Variants in WHRN observed in about 807,000 individuals in gnomAD.
The protein encoded by WHRN is whirlin.
A neutral mutation model predicts 68.3 loss-of-function variants in WHRN; 41 were observed. The ratio of observed to expected loss-of-function variants is 0.60; its 90% confidence interval spans 0.47 to 0.78. The LOEUF (loss-of-function observed/expected upper bound fraction) is 0.78. Among genes scored for constraint, WHRN ranks in the 30% least tolerant of loss-of-function variants. The pLI, the probability that WHRN is intolerant of heterozygous loss-of-function variation, is 0.00. For synonymous variants in WHRN, 560 were observed against 561.3 expected, an observed-to-expected ratio of 1.00 and a Z score of 0.03; for missense variants, 1,243 against 1,244.7, an observed-to-expected ratio of 1.00 and a Z score of 0.02.
chr9:114,416,631 C>T (rs1222283783), intron 7 of WHRN, among the ~76,000 whole-genome samples: 2 of 152,182 alleles, frequency 1.3e-5, no homozygotes, highest in African/African-American at 4.8e-5. Context: ...CCCAGCCATG[C>T]TTCCTGTACG....
intron 3 of WHRN, among the ~76,000 whole-genome samples, chr9:114,435,585 A>G (rs1837782270): frequency 1.3e-5 from 2 of 152,346 alleles, no homozygotes; most frequent in South Asian, 2.1e-4. Context: ...TCTGAAAGAA[A>G]GAAAACTAGG....
chr9:114,466,539 A>G, intron 2 of WHRN, 147 bp from the exon 3 acceptor site: 1 of 1,138,322 alleles, frequency 8.8e-7, no homozygotes, highest in Admixed American at 1.9e-5. Flanking sequence ...AAGATACCCT[A>G]GAACATTCCA....
chr9:114,481,251 G>A (rs1289090843), intron 1 of WHRN, among the ~76,000 whole-genome samples: 4 of 152,230 alleles, frequency 2.6e-5, no homozygotes, highest in Non-Finnish European at 2.9e-5. Flanking sequence ...GGTGAGCCAG[G>A]AGGCACCCAG....
chr9:114,403,046 T>C lies in WHRN; in HGVS notation c.2542-110A>G, dbSNP rs1834783861. On this transcript the variant is annotated intron_variant, in intron 11 of 11. Transcript: ENST00000362057. ...GCCAAGCAGGCAGCTACAATCTGAG[T>C]GTCCACTTCTCGGATTAGGAAAGCT... 2.0e-6 allele frequency: 3 copies of C among 1,518,184 alleles called. No individual in the cohort carries two copies. The Admixed American group carries it at 5.6e-5, about 28-fold the overall frequency. 94.0% of individuals were successfully genotyped at this position (1,518,184 alleles called of 1,614,324 possible).
chr9:114,410,365 T>A (rs142896868), intron 7 of WHRN, among the ~76,000 whole-genome samples: 1 of 152,220 alleles, frequency 6.6e-6, no homozygotes, highest in Admixed American at 6.5e-5. Flanking sequence ...TGAAGCAAAC[T>A]GATGAATCCA....
At position 114,490,774 on chromosome 9, in the gene WHRN, G is replaced by A. The variant is rs147624453; in HGVS notation, c.619-12003C>T. Reference sequence around the variant, plus strand: ...AAAAACATAAACCTTCAAAGAGAGGGATAAAATCCTGACCTTGGGAATAAT... The same window carrying A: ...AAAAACATAAACCTTCAAAGAGAGGAATAAAATCCTGACCTTGGGAATAAT... On this transcript the variant is annotated intron_variant, in intron 1 of 11. Coordinates refer to ENST00000362057, the MANE Select transcript of WHRN (RefSeq NM_015404.4). Among the ~76,000 whole-genome samples, 472 of 152,308 alleles carry A rather than the reference G, an allele frequency of 3.1e-3. 2 individuals are homozygous for A. Among genetic ancestry groups the A allele is most frequent in the African/African-American group, 0.011 (454 of 41,556 alleles).
intron 3 of WHRN, among the ~76,000 whole-genome samples, chr9:114,455,519 T>G (rs1839705754): frequency 1.3e-5 from 2 of 152,056 alleles, no homozygotes; most frequent in Non-Finnish European, 2.9e-5. Context: ...AAGACCAGCC[T>G]GGGCAACATG....
intron 3 of WHRN, among the ~76,000 whole-genome samples, chr9:114,432,415 G>A (rs1193931093): frequency 6.6e-6 from 1 of 152,232 alleles, no homozygotes; most frequent in Non-Finnish European, 1.5e-5. Context: ...CAAGAGACCT[G>A]AGGAAAATAA....
At chr9:114,474,165 G>T in intron 2 of WHRN, among the ~76,000 whole-genome samples, 1 of 152,100 alleles carries the variant, frequency 6.6e-6, no homozygotes, top group Non-Finnish European at 1.5e-5. Context: ...CACACAGGAG[G>T]GAGTACTGGA....
chr9:114,409,274 C>T (rs374263144), intron 7 of WHRN, among the ~76,000 whole-genome samples: 28 of 152,292 alleles, frequency 1.8e-4, no homozygotes, highest in African/African-American at 5.8e-4. Context: ...ATTGGTAGCT[C>T]AGAGACAATG....
chr9:114,444,404 T>C (rs1045025626), intron 3 of WHRN, among the ~76,000 whole-genome samples: 6 of 152,312 alleles, frequency 3.9e-5, no homozygotes, highest in African/African-American at 1.4e-4. Flanking sequence ...GTAATTATTA[T>C]ACTGCCATTA....
intron 1 of WHRN, among the ~76,000 whole-genome samples, chr9:114,496,800 C>A (rs1271975498): frequency 6.6e-6 from 1 of 152,224 alleles, no homozygotes; most frequent in African/African-American, 2.4e-5. Flanking sequence ...GAACCCAGGT[C>A]CATCTCCAAA....
At chr9:114,434,855 C>G (rs6478081) in intron 3 of WHRN, among the ~76,000 whole-genome samples, 149,466 of 152,274 alleles carry the variant, frequency 0.98, 73,399 homozygotes, top group East Asian at 1. Context: ...CCTCTGCCTA[C>G]CCTGAGAGGG....
At chr9:114,502,621 T>C (rs1241964942) in intron 1 of WHRN, among the ~76,000 whole-genome samples, 1 of 152,138 alleles carries the variant, frequency 6.6e-6, no homozygotes, top group Non-Finnish European at 1.5e-5. Context: ...CAGCTGAGTC[T>C]GGGGTGCAAA....
intron 10 of WHRN, 46 bp from the exon 11 acceptor site, chr9:114,403,385 G>C: frequency 6.2e-7 from 1 of 1,613,204 alleles, no homozygotes; most frequent in Middle Eastern, 1.7e-4. Context: ...GCAGTTGGCA[G>C]GCCTGGCCAG....
chr9:114,492,910 G>A (rs988891299), intron 1 of WHRN, among the ~76,000 whole-genome samples: 1 of 152,132 alleles, frequency 6.6e-6, no homozygotes, highest in African/African-American at 2.4e-5. Context: ...CCAGCTACTC[G>A]GGAGGCTGAG....
chr9:114,495,643 AG>A (rs1269945848), intron 1 of WHRN, among the ~76,000 whole-genome samples: 3 of 152,220 alleles, frequency 2.0e-5, no homozygotes, highest in Admixed American at 2.0e-4. Flanking sequence ...TTGGGGAAAG[AG>A]GAATTTGAGG....
intron 7 of WHRN, among the ~76,000 whole-genome samples, chr9:114,411,266 G>A (rs1445600180): frequency 2.0e-5 from 3 of 152,304 alleles, no homozygotes; most frequent in South Asian, 2.1e-4. Flanking sequence ...AGCCAGGCGC[G>A]TTAAGGTGAA....
At position 114,428,829 on chromosome 9, in the gene WHRN, CT is replaced by C. The variant is rs146513291; in HGVS notation, c.964-2417del. ...CCCGTCCTCCACCCCCATCAGCCCCCTGACCTCGGTTCCTACCTGCTCCCTC... is the reference window on the plus strand; with the variant it reads ...CCCGTCCTCCACCCCCATCAGCCCCCGACCTCGGTTCCTACCTGCTCCCTC... On this transcript the variant is annotated intron_variant, in intron 3 of 11. Coordinates refer to ENST00000362057, the MANE Select transcript of WHRN (RefSeq NM_015404.4). Among the ~76,000 whole-genome samples, 1,333 of 149,638 alleles carry C rather than the reference CT, an allele frequency of 8.9e-3. 17 individuals carry two copies. The highest frequency in any genetic ancestry group is 0.033 in the African/African-American group (1,286 of 39,022).
Sources: allele counts gnomAD v4.1 joint callset (sites outside exome capture counted in the v4.1 genomes callset), GRCh38; gene constraint gnomAD v4.1.1; transcripts MANE v1.5; gene names NCBI Gene and HGNC (gene_info 2026-07-23, HGNC 2026-07-21).